Variants in EXOC4 observed in about 807,000 individuals in gnomAD.
EXOC4 encodes SEC8-like 1.
Under a neutral mutation model 107.2 loss-of-function variants are expected in EXOC4, and 71 were observed. The observed-to-expected ratio is 0.66, with a 90% CI of 0.55 to 0.81. EXOC4 has a LOEUF of 0.81. EXOC4 is among the 30% of genes least tolerant of loss of function. EXOC4 has a pLI of 0.00. For missense variants in EXOC4, 1,108 were observed against 1,189.6 expected (o/e 0.93, Z 1.01); for synonymous variants, 456 against 441.2 (o/e 1.03, Z -0.42).
At chr7:133,610,512 T>C (rs1000378537) in intron 9 of EXOC4, among the ~76,000 whole-genome samples, 3 of 152,198 alleles carry the variant, frequency 2.0e-5, no homozygotes, top group Non-Finnish European at 4.4e-5. Flanking sequence ...CCACAGAATA[T>C]AATTTTAACT....
intron 10 of EXOC4, among the ~76,000 whole-genome samples, chr7:133,739,703 C>G (rs918642100): frequency 6.6e-6 from 1 of 152,158 alleles, no homozygotes; most frequent in Non-Finnish European, 1.5e-5. Context: ...TCTCTTTTAG[C>G]CCACCCTAGC....
chr7:134,010,562 C>G (rs1794740065), intron 17 of EXOC4, among the ~76,000 whole-genome samples: 1 of 152,098 alleles, frequency 6.6e-6, no homozygotes. Flanking sequence ...ATATTTGAAG[C>G]TATGTAAAAT....
intron 15 of EXOC4, 82 bp from the exon 16 acceptor site, chr7:134,004,830 A>G (rs749639814): frequency 1.8e-6 from 2 of 1,129,964 alleles, no homozygotes; most frequent in Non-Finnish European, 2.5e-6. Flanking sequence ...TTTATTAGTT[A>G]TTTTGGTGCT....
intron 11 of EXOC4, among the ~76,000 whole-genome samples, chr7:133,859,760 T>A (rs549484268): frequency 6.6e-6 from 1 of 152,318 alleles, no homozygotes; most frequent in Non-Finnish European, 1.5e-5. Flanking sequence ...TTCTGACTTT[T>A]AAGAGTTAGA....
At chr7:133,524,931 A>G (rs914640653) in intron 9 of EXOC4, among the ~76,000 whole-genome samples, 1 of 152,194 alleles carries the variant, frequency 6.6e-6, no homozygotes, top group African/African-American at 2.4e-5. Flanking sequence ...ATAGAGATCC[A>G]AGCATACCTG....
At chr7:133,686,358 A>G (rs1020100514) in intron 10 of EXOC4, among the ~76,000 whole-genome samples, 1 of 152,172 alleles carries the variant, frequency 6.6e-6, no homozygotes, top group Non-Finnish European at 1.5e-5. Flanking sequence ...ATTGCCTCTT[A>G]GCATTTTTTT....
chr7:134,005,055 G>C lies in EXOC4; in HGVS notation c.2492G>C (p.Ser831Thr), dbSNP rs772078435. ...GCCATTGAAGAGGCCATGAGCGCCA[G>C]CCTTCAGCAGCACAAGTTCCAGTAT... ...ISAIEEAMSA[S>T]LQQHKFQYIF... is the part of the protein sequence containing the mutation. The change falls in exon 16 of 18, where the codon AGC becomes ACC. Residue 831 changes from serine (S) to threonine (T), a missense_variant. Transcript: ENST00000253861. 5.0e-6 allele frequency: 8 copies of C among 1,613,358 alleles called. No individual in the cohort carries two copies. The highest frequency in any genetic ancestry group is 1.3e-5 in the African/African-American group (1 of 74,884).
chr7:133,878,228 G>T (rs1267921224), intron 11 of EXOC4, among the ~76,000 whole-genome samples: 2 of 152,150 alleles, frequency 1.3e-5, no homozygotes, highest in African/African-American at 4.8e-5. Flanking sequence ...TTTCCCAGAT[G>T]CATTGTCCCA....
At chr7:133,614,675 A>G (rs944866217) in intron 9 of EXOC4, among the ~76,000 whole-genome samples, 1 of 151,702 alleles carries the variant, frequency 6.6e-6, no homozygotes, top group African/African-American at 2.4e-5. Context: ...CATGAAAACC[A>G]CCAAACCCAA....
intron 5 of EXOC4, among the ~76,000 whole-genome samples, chr7:133,343,733 T>C (rs144754229): frequency 1.3e-5 from 2 of 152,162 alleles, no homozygotes; most frequent in African/African-American, 4.8e-5. Flanking sequence ...TATCTGTATT[T>C]TATTCTCTAT....
At chr7:133,957,211 A>C (rs1431498471) in intron 14 of EXOC4, among the ~76,000 whole-genome samples, 1 of 152,232 alleles carries the variant, frequency 6.6e-6, no homozygotes, top group Admixed American at 6.5e-5. Context: ...GATTGTTCAC[A>C]GTGATTGTTT....
At chr7:133,345,144 CATTTT>C (rs916460539) in intron 5 of EXOC4, among the ~76,000 whole-genome samples, 6 of 152,084 alleles carry the variant, frequency 3.9e-5, no homozygotes, top group Non-Finnish European at 5.9e-5. Context: ...TATTTTTCTT[CATTTT>C]GAGTTTTGAT....
intron 14 of EXOC4, among the ~76,000 whole-genome samples, chr7:133,993,866 AGACTC>A (rs1387746081): frequency 2.0e-5 from 3 of 152,234 alleles, no homozygotes; most frequent in African/African-American, 7.2e-5. Flanking sequence ...AAGCCACAAA[AGACTC>A]TACTTAGGGG....
chr7:134,015,982 A>C (rs1794899146), intron 17 of EXOC4, among the ~76,000 whole-genome samples: 1 of 152,094 alleles, frequency 6.6e-6, no homozygotes, highest in African/African-American at 2.4e-5. Flanking sequence ...GAAGGAGCTA[A>C]AATTGGCAGG....
intron 10 of EXOC4, among the ~76,000 whole-genome samples, chr7:133,666,310 A>G (rs1793812320): frequency 6.6e-6 from 1 of 152,160 alleles, no homozygotes; most frequent in South Asian, 2.1e-4. Flanking sequence ...GACCTTTTAA[A>G]AATTTTATTA....
chr7:133,346,467 A>C (rs1180224014), intron 5 of EXOC4, among the ~76,000 whole-genome samples: 2 of 152,098 alleles, frequency 1.3e-5, no homozygotes, highest in Non-Finnish European at 2.9e-5. Context: ...TTTTAAATTT[A>C]ATTATATTTT....
intron 10 of EXOC4, among the ~76,000 whole-genome samples, chr7:133,664,311 T>C (rs1403872339): frequency 1.3e-5 from 2 of 152,194 alleles, no homozygotes; most frequent in Non-Finnish European, 2.9e-5. Flanking sequence ...GTAGTTTTCG[T>C]ACCACTTAGA....
chr7:133,839,016 T>G (rs1235672650), intron 11 of EXOC4, among the ~76,000 whole-genome samples: 1 of 152,212 alleles, frequency 6.6e-6, no homozygotes, highest in East Asian at 1.9e-4. Context: ...TATAATGGTG[T>G]TAGGCATACA....
chr7:133,751,670 A>G (rs901257471), intron 10 of EXOC4, among the ~76,000 whole-genome samples: 5 of 152,134 alleles, frequency 3.3e-5, no homozygotes, highest in African/African-American at 1.2e-4. Flanking sequence ...CCACAGCTTC[A>G]TATATAGCTC....
Sources: allele counts gnomAD v4.1 joint callset (sites outside exome capture counted in the v4.1 genomes callset), GRCh38; gene constraint gnomAD v4.1.1; transcripts MANE v1.5; gene names NCBI Gene and HGNC (gene_info 2026-07-23, HGNC 2026-07-21).